Variants in CNTN5 observed in about 807,000 individuals in gnomAD.
The protein encoded by CNTN5 is contactin 5.
A neutral mutation model predicts 129.1 loss-of-function variants in CNTN5; 77 were observed. The ratio of observed to expected loss-of-function variants is 0.60; its 90% CI spans 0.50 to 0.72. The LOEUF is 0.72. CNTN5 is among the 30% of genes least tolerant of loss of function. The pLI, the probability that CNTN5 is intolerant of heterozygous loss-of-function variation, is 0.00. For missense variants in CNTN5, 1,478 were observed against 1,328.8 expected (o/e 1.11, Z -1.75); for synonymous variants, 509 against 465.6 (o/e 1.09, Z -1.20).
intron 6 of CNTN5, among the ~76,000 whole-genome samples, chr11:99,850,284 G>C (rs764346207): frequency 4.6e-5 from 7 of 152,020 alleles, no homozygotes; most frequent in Non-Finnish European, 8.8e-5. Context: ...GACCTAGAAA[G>C]CTACATTTTC....
At chr11:99,110,580 G>T (rs1300207141) in intron 1 of CNTN5, among the ~76,000 whole-genome samples, 1 of 152,032 alleles carries the variant, frequency 6.6e-6, no homozygotes, top group Non-Finnish European at 1.5e-5. Flanking sequence ...TGTAATTTAG[G>T]ATTTGAGATT....
intron 3 of CNTN5, among the ~76,000 whole-genome samples, chr11:99,792,368 T>C (rs1945775971): frequency 6.6e-6 from 1 of 152,188 alleles, no homozygotes; most frequent in African/African-American, 2.4e-5. Flanking sequence ...GTTTTTGTTT[T>C]TAGTTCCTTT....
chr11:99,710,291 G>T (rs1028914883), intron 3 of CNTN5, among the ~76,000 whole-genome samples: 3 of 151,734 alleles, frequency 2.0e-5, no homozygotes, highest in African/African-American at 7.3e-5. Context: ...ATAGAACCTT[G>T]CCCCATTCAT....
chr11:100,193,068 T>C (rs1948537436), intron 14 of CNTN5, among the ~76,000 whole-genome samples: 1 of 151,968 alleles, frequency 6.6e-6, no homozygotes, highest in Non-Finnish European at 1.5e-5. Context: ...CTCTCATCTT[T>C]AAGCAAGTGA....
chr11:99,155,895 A>C (rs890775303), intron 1 of CNTN5, among the ~76,000 whole-genome samples: 1 of 152,188 alleles, frequency 6.6e-6, no homozygotes, highest in Non-Finnish European at 1.5e-5. Flanking sequence ...GGAAATCTGT[A>C]CCAAAGAGGA....
At chr11:99,187,774 A>G (rs1308535023) in intron 1 of CNTN5, among the ~76,000 whole-genome samples, 4 of 151,822 alleles carry the variant, frequency 2.6e-5, no homozygotes, top group Non-Finnish European at 5.9e-5. Context: ...TAAATTGGTG[A>G]GTTGTTTATA....
chr11:99,084,614 T>C (rs1865926811), intron 1 of CNTN5, among the ~76,000 whole-genome samples: 2 of 152,230 alleles, frequency 1.3e-5, no homozygotes, highest in Non-Finnish European at 2.9e-5. Flanking sequence ...TACCTTCTAC[T>C]TCTAGATTTC....
chr11:99,936,839 G>A (rs752327726), intron 7 of CNTN5, among the ~76,000 whole-genome samples: 38 of 152,260 alleles, frequency 2.5e-4, no homozygotes, highest in Non-Finnish European at 4.4e-4. Flanking sequence ...AGGCAAGGCA[G>A]GGATATGTTA....
chr11:99,887,333 G>A (rs1948927122), intron 6 of CNTN5, among the ~76,000 whole-genome samples: 1 of 152,138 alleles, frequency 6.6e-6, no homozygotes, highest in South Asian at 2.1e-4. Flanking sequence ...AATGTGAACT[G>A]AGATTTATAA....
chr11:99,174,230 C>T (rs1204524228), intron 1 of CNTN5, among the ~76,000 whole-genome samples: 1 of 152,086 alleles, frequency 6.6e-6, no homozygotes, highest in African/African-American at 2.4e-5. Flanking sequence ...AACTTCTGAC[C>T]TCAAGTGATC....
At chr11:100,201,810 A>AATATTG (rs1948784924) in intron 15 of CNTN5, among the ~76,000 whole-genome samples, 1 of 151,908 alleles carries the variant, frequency 6.6e-6, no homozygotes. Flanking sequence ...AGCTATGGAG[A>AATATTG]ATATTGGGGG....
At chr11:100,298,737 A>G (rs1428926555) in intron 19 of CNTN5, among the ~76,000 whole-genome samples, 5 of 151,388 alleles carry the variant, frequency 3.3e-5, no homozygotes, top group Non-Finnish European at 7.4e-5. Context: ...GCACACTACA[A>G]AAAAGGTTTT....
rs557726316 is a variant in CNTN5 at position 99,425,655 on chromosome 11, T to A, written c.-71+100171T>A. On this transcript the variant is annotated intron_variant, in intron 2 of 24. Coordinates refer to ENST00000524871, the MANE Select transcript of CNTN5 (RefSeq NM_014361.4). Reference sequence around the variant, plus strand: ...AGGAGCAGAGAAAGAGGCCAGAGAGTGGGAGCAGACACTTAGGAGCTTTCA... The same window carrying A: ...AGGAGCAGAGAAAGAGGCCAGAGAGAGGGAGCAGACACTTAGGAGCTTTCA... Among the ~76,000 whole-genome samples, 59 of 152,118 alleles carry A rather than the reference T, an allele frequency of 3.9e-4. 2 individuals carry two copies. The South Asian group carries it at 0.012, about 31-fold the overall frequency.
At chr11:99,996,594 A>G (rs576821832) in intron 8 of CNTN5, among the ~76,000 whole-genome samples, 1 of 152,156 alleles carries the variant, frequency 6.6e-6, no homozygotes, top group African/African-American at 2.4e-5. Context: ...CACTTATCCA[A>G]ACCCTCATTA....
At chr11:99,931,134 C>T (rs1950183239) in intron 7 of CNTN5, among the ~76,000 whole-genome samples, 1 of 152,034 alleles carries the variant, frequency 6.6e-6, no homozygotes, top group Non-Finnish European at 1.5e-5. Context: ...TACATTTTGA[C>T]ATTATTTTAA....
intron 3 of CNTN5, among the ~76,000 whole-genome samples, chr11:99,716,271 T>C (rs1224506249): frequency 1.3e-5 from 2 of 152,084 alleles, no homozygotes; most frequent in African/African-American, 4.8e-5. Context: ...TTGATAAAGA[T>C]ACTTTCCAAT....
At chr11:99,995,681 C>T (rs898070094) in intron 8 of CNTN5, among the ~76,000 whole-genome samples, 30 of 152,156 alleles carry the variant, frequency 2.0e-4, no homozygotes, top group Non-Finnish European at 1.3e-4. Flanking sequence ...CAAACATAGA[C>T]ACCCCCAAAC....
At chr11:99,929,386 G>C (rs950870069) in intron 7 of CNTN5, among the ~76,000 whole-genome samples, 3 of 151,946 alleles carry the variant, frequency 2.0e-5, no homozygotes, top group African/African-American at 2.4e-5. Context: ...CACATTTTTG[G>C]GTATCCTTTC....
rs139417631 is a variant in CNTN5 at position 99,689,240 on chromosome 11, C to T, written c.56-130304C>T. The stretch of plus-strand genomic sequence containing the variant: ...CTCCTGCCAACAAGGTAAAAGCATT[C>T]CTGAGGGCCGGGCGTGGTGGCTCAC... On this transcript the variant is annotated intron_variant, in intron 3 of 24. Transcript: ENST00000524871. Among the ~76,000 whole-genome samples the T allele has an allele frequency of 2.5e-3, 384 of 152,124 alleles. 2 individuals carry two copies. Among genetic ancestry groups the T allele is most frequent in the African/African-American group, 8.8e-3 (364 of 41,528 alleles).
Sources: allele counts gnomAD v4.1 joint callset (sites outside exome capture counted in the v4.1 genomes callset), GRCh38; gene constraint gnomAD v4.1.1; transcripts MANE v1.5; gene names NCBI Gene and HGNC (gene_info 2026-07-23, HGNC 2026-07-21).